The following ADAM12 variants were observed in gnomAD, a reference collection of about 807,000 sequenced individuals.
ADAM12 encodes ADAM metallopeptidase domain 12.
A neutral mutation model predicts 106.4 loss-of-function variants in ADAM12; 70 were observed. That is an observed-to-expected ratio of 0.66 (90% CI 0.54 to 0.80). ADAM12 has a LOEUF of 0.80. Ranked by LOEUF, ADAM12 falls within the 30% of genes least tolerant of loss-of-function variation. The pLI is 0.00. For missense variants in ADAM12, 1,010 were observed against 1,171.9 expected (o/e 0.86, Z 2.02); for synonymous variants, 420 against 433.5 (o/e 0.97, Z 0.39).
intron 1 of ADAM12, among the ~76,000 whole-genome samples, chr10:126,373,497 C>T (rs1418670020): frequency 3.9e-5 from 6 of 152,162 alleles, no homozygotes; most frequent in African/African-American, 9.7e-5. Context: ...ATCAAGCTGC[C>T]AAGCGGGTTC....
At chr10:126,339,339 C>T (rs78171995) in intron 1 of ADAM12, among the ~76,000 whole-genome samples, 4 of 152,192 alleles carry the variant, frequency 2.6e-5, no homozygotes, top group Non-Finnish European at 4.4e-5. Context: ...ATCTTCATCT[C>T]CCAGCGAAAA....
chr10:126,086,015 G>A (rs1202205511), intron 11 of ADAM12, among the ~76,000 whole-genome samples: 1 of 152,180 alleles, frequency 6.6e-6, no homozygotes, highest in Non-Finnish European at 1.5e-5. Context: ...TGTGTGGGAG[G>A]GGGATTGCAG....
At chr10:126,206,548 C>T (rs1232020109) in intron 3 of ADAM12, among the ~76,000 whole-genome samples, 1 of 152,174 alleles carries the variant, frequency 6.6e-6, no homozygotes, top group African/African-American at 2.4e-5. Flanking sequence ...ATATCCAACA[C>T]TGACAAACAC....
intron 3 of ADAM12, among the ~76,000 whole-genome samples, chr10:126,255,958 T>C (rs1958883132): frequency 6.6e-6 from 1 of 152,148 alleles, no homozygotes; most frequent in African/African-American, 2.4e-5. Context: ...TGGGTGCCCA[T>C]GGGCATCTCG....
chr10:126,376,495 T>C (rs745393974), intron 1 of ADAM12, among the ~76,000 whole-genome samples: 3 of 152,220 alleles, frequency 2.0e-5, no homozygotes, highest in Non-Finnish European at 2.9e-5. Context: ...AGTTAAAATC[T>C]TTTAAAAATA....
In ADAM12 at chr10:126,367,797, G is replaced by A. The variant is rs139970779; in HGVS notation, c.88+20261C>T. ...GTTTGTTAACTCAGATGACATGGAC[G>A]TATTTTTTGAATCTCCAGGCCCAGA... On this transcript the variant is annotated intron_variant, in intron 1 of 22. Transcript: ENST00000448723. Among the ~76,000 whole-genome samples, 451 of 151,940 alleles carry A rather than the reference G, an allele frequency of 3.0e-3. 3 individuals carry two copies. The highest frequency in any genetic ancestry group is 0.01 in the African/African-American group (417 of 41,518).
intron 2 of ADAM12, among the ~76,000 whole-genome samples, chr10:126,307,014 C>T (rs769417455): frequency 2.0e-5 from 3 of 152,126 alleles, no homozygotes; most frequent in South Asian, 2.1e-4. Context: ...CACTTTTCAC[C>T]GTTCCATGTG....
intron 3 of ADAM12, among the ~76,000 whole-genome samples, chr10:126,260,231 C>T (rs1013019624): frequency 1.3e-5 from 2 of 152,250 alleles, no homozygotes; most frequent in Non-Finnish European, 2.9e-5. Flanking sequence ...GCCAGCGCTT[C>T]ACGCTGCCTG....
At chr10:126,068,274 G>A (rs1230664034) in intron 12 of ADAM12, among the ~76,000 whole-genome samples, 2 of 152,124 alleles carry the variant, frequency 1.3e-5, no homozygotes, top group Admixed American at 6.6e-5. Flanking sequence ...TGGTCCTTAT[G>A]GTCTAAATGG....
intron 21 of ADAM12, among the ~76,000 whole-genome samples, chr10:126,025,300 T>C (rs963628692): frequency 6.6e-6 from 1 of 151,608 alleles, no homozygotes; most frequent in African/African-American, 2.4e-5. Context: ...CTAGGAATCA[T>C]GATAAAACAA....
At chr10:126,354,790 T>C (rs929178940) in intron 1 of ADAM12, among the ~76,000 whole-genome samples, 2 of 139,780 alleles carry the variant, frequency 1.4e-5, no homozygotes, top group Non-Finnish European at 1.6e-5. Context: ...AGATTTTGAG[T>C]AACCACTGCT....
chr10:126,019,941 TACAA>T, intron 21 of ADAM12, 116 bp from the exon 22 acceptor site: 1 of 1,260,778 alleles, frequency 7.9e-7, no homozygotes, highest in Non-Finnish European at 1.1e-6. Flanking sequence ...CCTGTCACCA[TACAA>T]GGTGGGTGGA....
chr10:126,087,752 G>GT (rs1955384872), intron 11 of ADAM12, among the ~76,000 whole-genome samples: 2 of 152,178 alleles, frequency 1.3e-5, no homozygotes, highest in Admixed American at 1.3e-4. Flanking sequence ...GTTCTACAGA[G>GT]TGTGGACTTT....
At chr10:126,030,611 C>A (rs11244776) in intron 21 of ADAM12, among the ~76,000 whole-genome samples, 33,611 of 152,076 alleles carry the variant, frequency 0.22, 4,411 homozygotes, top group East Asian at 0.32. Context: ...CCCTTTGAAC[C>A]CTGTAATCAC....
At chr10:126,244,858 T>A (rs928131714) in intron 3 of ADAM12, among the ~76,000 whole-genome samples, 1 of 152,022 alleles carries the variant, frequency 6.6e-6, no homozygotes, top group Admixed American at 6.6e-5. Flanking sequence ...TAAGAGAAGA[T>A]GATATTGGAG....
At chr10:126,073,225 A>AT (rs1955033802) in intron 11 of ADAM12, among the ~76,000 whole-genome samples, 1 of 152,060 alleles carries the variant, frequency 6.6e-6, no homozygotes, top group African/African-American at 2.4e-5. Context: ...AGTAGCTGGG[A>AT]TTACAGGCGC....
intron 11 of ADAM12, among the ~76,000 whole-genome samples, chr10:126,087,146 A>G (rs1348696945): frequency 6.6e-6 from 1 of 152,154 alleles, no homozygotes; most frequent in Non-Finnish European, 1.5e-5. Flanking sequence ...GCCACACAGA[A>G]TCAGCCTCCC....
chr10:126,215,459 G>A (rs1957970913), intron 3 of ADAM12, among the ~76,000 whole-genome samples: 1 of 152,170 alleles, frequency 6.6e-6, no homozygotes. Flanking sequence ...GTTCAGCTCA[G>A]GGCCCCCCCG....
In ADAM12 at chr10:126,062,696, A is replaced by G. The variant is rs148082207; in HGVS notation, c.1609+2110T>C. On this transcript the variant is annotated intron_variant, in intron 14 of 22. Transcript: ENST00000448723. ...CGAGTTCCCTCTGACCTCACTCTGGAAACGGGGCCAGCTGTTCGAATACGG... is the reference window on the plus strand; with the variant it reads ...CGAGTTCCCTCTGACCTCACTCTGGGAACGGGGCCAGCTGTTCGAATACGG... Among the ~76,000 whole-genome samples the G allele has an allele frequency of 3.3e-3, 508 of 152,280 alleles. 4 individuals are homozygous for G. Among genetic ancestry groups the G allele is most frequent in the South Asian group, 0.028 (134 of 4,830 alleles).
Sources: allele counts gnomAD v4.1 joint callset (sites outside exome capture counted in the v4.1 genomes callset), GRCh38; gene constraint gnomAD v4.1.1; transcripts MANE v1.5; gene names NCBI Gene and HGNC (gene_info 2026-07-23, HGNC 2026-07-21).